ARHGAP21: variants seen among roughly 807,000 people sequenced by gnomAD.
The protein encoded by ARHGAP21 is rho GTPase-activating protein 21.
ARHGAP21 carries 38 observed loss-of-function variants against 164.6 expected under a neutral mutation model. That is an observed-to-expected ratio of 0.23 (90% CI 0.18 to 0.30). ARHGAP21 has a LOEUF of 0.30. Among genes scored for constraint, ARHGAP21 ranks in the 10% least tolerant of loss-of-function variants. The pLI is 1.00. For synonymous variants in ARHGAP21, 766 were observed against 857.9 expected, an observed-to-expected ratio of 0.89 and a Z score of 1.87; for missense variants, 1,822 against 2,370.7, an observed-to-expected ratio of 0.77 and a Z score of 4.81.
chr10:24,676,895 A>G (rs538682098), intron 2 of ARHGAP21, among the ~76,000 whole-genome samples: 92 of 152,358 alleles, frequency 6.0e-4, no homozygotes, highest in African/African-American at 2.2e-3. Flanking sequence ...AGCAGAGTAC[A>G]TAAACATTTA....
At chr10:24,590,210 C>T in intron 24 of ARHGAP21, 3 of 1,450,930 alleles carry the variant, frequency 2.1e-6, no homozygotes, top group South Asian at 1.5e-5. Context: ...CCATACCATG[C>T]TATTTCTCCT....
intron 7 of ARHGAP21, among the ~76,000 whole-genome samples, chr10:24,624,374 CTG>C (rs1011103939): frequency 5.2e-5 from 6 of 115,980 alleles, no homozygotes; most frequent in Non-Finnish European, 8.2e-5. Flanking sequence ...GAGTCTCACT[CTG>C]TTGCCCAGGC....
At chr10:24,683,448 T>C (rs1469584675) in intron 2 of ARHGAP21, among the ~76,000 whole-genome samples, 2 of 152,108 alleles carry the variant, frequency 1.3e-5, no homozygotes, top group Non-Finnish European at 2.9e-5. Flanking sequence ...GATAGCACAT[T>C]TCTCTGTCTT....
chr10:24,605,204 A>C (rs1311967723), intron 11 of ARHGAP21, among the ~76,000 whole-genome samples: 1 of 152,192 alleles, frequency 6.6e-6, no homozygotes, highest in African/African-American at 2.4e-5. Context: ...AAGAAAGAAC[A>C]GGGCACCGAT....
intron 2 of ARHGAP21, among the ~76,000 whole-genome samples, chr10:24,684,642 T>C (rs184142600): frequency 6.6e-6 from 1 of 152,146 alleles, no homozygotes; most frequent in South Asian, 2.1e-4. Context: ...GTTTTATTTT[T>C]AATTTTTGTT....
chr10:24,594,582 T>A (rs546719672), intron 21 of ARHGAP21, among the ~76,000 whole-genome samples: 1 of 151,836 alleles, frequency 6.6e-6, no homozygotes, highest in Admixed American at 6.6e-5. Flanking sequence ...TTAAAAGGAA[T>A]GAAAATGACT....
chr10:24,616,013 A>C (rs1401658919), intron 9 of ARHGAP21, among the ~76,000 whole-genome samples: 3 of 152,098 alleles, frequency 2.0e-5, no homozygotes, highest in African/African-American at 7.2e-5. Context: ...CCCAACCTCA[A>C]GTGATCTGAC....
At chr10:24,645,073 A>G (rs1163768516) in intron 4 of ARHGAP21, among the ~76,000 whole-genome samples, 3 of 152,190 alleles carry the variant, frequency 2.0e-5, no homozygotes, top group Non-Finnish European at 4.4e-5. Context: ...CTCAAGTCAG[A>G]AAAACATAAT....
intron 6 of ARHGAP21, among the ~76,000 whole-genome samples, chr10:24,631,225 G>A (rs1213790582): frequency 3.9e-5 from 6 of 152,120 alleles, no homozygotes; most frequent in Non-Finnish European, 7.4e-5. Flanking sequence ...TTAGCTGGAC[G>A]TGGTGGCAGG....
At chr10:24,628,625 A>G (rs565928283) in intron 7 of ARHGAP21, among the ~76,000 whole-genome samples, 78 of 152,170 alleles carry the variant, frequency 5.1e-4, no homozygotes, top group South Asian at 8.3e-4. Flanking sequence ...TTAAAAATAA[A>G]TACTTCAGCG....
chr10:24,659,631 AC>A (rs1455806288), intron 4 of ARHGAP21, among the ~76,000 whole-genome samples: 2 of 152,214 alleles, frequency 1.3e-5, no homozygotes, highest in Non-Finnish European at 2.9e-5. Context: ...CCTCTTTCTT[AC>A]GTATTTTCAA....
intron 9 of ARHGAP21, among the ~76,000 whole-genome samples, chr10:24,618,769 C>G (rs887214419): frequency 3.3e-5 from 5 of 152,080 alleles, no homozygotes; most frequent in African/African-American, 1.2e-4. Context: ...CCTTTCAGAT[C>G]ACGGGAGGAT....
intron 7 of ARHGAP21, 145 bp from the exon 8 acceptor site, chr10:24,622,907 G>A: frequency 1.5e-6 from 1 of 652,576 alleles, no homozygotes; most frequent in Non-Finnish European, 2.6e-6. Flanking sequence ...AAAGGGCAGT[G>A]AAGCATAAAG....
At chr10:24,599,470 GCA>G (rs1253266168) in intron 14 of ARHGAP21, among the ~76,000 whole-genome samples, 8 of 152,140 alleles carry the variant, frequency 5.3e-5, no homozygotes, top group Admixed American at 2.6e-4. Context: ...AGGAAAAAAA[GCA>G]CACTTTTCCT....
At chr10:24,696,826 C>A (rs1286663040) in intron 2 of ARHGAP21, among the ~76,000 whole-genome samples, 4 of 152,204 alleles carry the variant, frequency 2.6e-5, no homozygotes, top group African/African-American at 9.7e-5. Flanking sequence ...CTAACAGCGA[C>A]CCTCGGGAGG....
At chr10:24,647,100 T>G (rs1434676248) in intron 4 of ARHGAP21, among the ~76,000 whole-genome samples, 1 of 152,160 alleles carries the variant, frequency 6.6e-6, no homozygotes, top group Non-Finnish European at 1.5e-5. Flanking sequence ...CTTGAAGAGA[T>G]TTTTTAAATT....
intron 14 of ARHGAP21, among the ~76,000 whole-genome samples, chr10:24,599,264 G>C (rs1217561172): frequency 6.6e-6 from 1 of 152,190 alleles, no homozygotes; most frequent in African/African-American, 2.4e-5. Flanking sequence ...CACATAGTAG[G>C]TGCCTGTTAC....
Position 24,607,505 on chromosome 10 carries a change from G to C in ARHGAP21, c.2678C>G (p.Ala893Gly), listed in dbSNP as rs750149250. ...TAATACACCCGAGACTTACAATTTT[G>C]CATCTTCTCTGTAATCATCCAGACC... ...DEGLDDYREDAKLSFKHVSSL... is the reference protein window; with the variant it reads ...DEGLDDYREDGKLSFKHVSSL... Residue 893 changes from alanine (A) to glycine (G), a missense_variant, in exon 11 of 26, where the codon GCA becomes GGA. This residue lies in a region of ARHGAP21 where 1,090 missense variants were observed against 1,378.9 expected (regional missense o/e 0.79). Coordinates refer to ENST00000396432, the MANE Select transcript of ARHGAP21 (RefSeq NM_020824.4). 11 of 1,612,006 alleles carry C rather than the reference G, an allele frequency of 6.8e-6. No individual in the cohort carries two copies. The highest frequency in any genetic ancestry group is 9.3e-6 in the Non-Finnish European group (11 of 1,179,420).
chr10:24,651,435 C>T (rs888330168), intron 4 of ARHGAP21, among the ~76,000 whole-genome samples: 7 of 152,192 alleles, frequency 4.6e-5, no homozygotes, highest in African/African-American at 1.7e-4. Context: ...CCTTTACAAG[C>T]ATTGCCCCCA....
Sources: allele counts gnomAD v4.1 joint callset (sites outside exome capture counted in the v4.1 genomes callset), GRCh38; gene constraint gnomAD v4.1.1; regional missense constraint gnomAD v4.1.1; transcripts MANE v1.5; gene names NCBI Gene and HGNC (gene_info 2026-07-23, HGNC 2026-07-21).